The following STARD9 variants were observed in gnomAD, a reference collection of about 807,000 sequenced individuals.
STARD9 encodes the protein stAR-related lipid transfer protein 9.
A neutral mutation model predicts 399.8 loss-of-function variants in STARD9; 346 were observed. That is an observed-to-expected ratio of 0.87 (90% CI 0.79 to 0.95). The LOEUF (loss-of-function observed/expected upper bound fraction) is 0.95. STARD9 is among the 40% of genes least tolerant of loss of function. The pLI is 0.00. For synonymous variants in STARD9, 2,203 were observed against 2,143.5 expected (o/e 1.03, Z -0.77); for missense variants, 5,832 against 5,667.5 (o/e 1.03, Z -0.93).
chr15:42,678,516 AG>A (rs2060358111), intron 20 of STARD9, among the ~76,000 whole-genome samples: 1 of 152,168 alleles, frequency 6.6e-6, no homozygotes, highest in African/African-American at 2.4e-5. Context: ...TTGGAATTGT[AG>A]GGGGTTAACC....
At chr15:42,682,636 G>A in intron 22 of STARD9, 61 bp downstream of exon 22, 1 of 1,359,980 alleles carries the variant, frequency 7.4e-7, no homozygotes, top group Non-Finnish European at 9.8e-7. Flanking sequence ...TCTTGCCCAG[G>A]TAGTTTTCTG....
chr15:42,676,142 C>T (rs529116827), intron 20 of STARD9, among the ~76,000 whole-genome samples, 167 bp downstream of exon 20: 74 of 152,288 alleles, frequency 4.9e-4, no homozygotes, highest in African/African-American at 1.7e-3. Flanking sequence ...GCTGAACTAG[C>T]TGCTAAGTTC....
intron 9 of STARD9, among the ~76,000 whole-genome samples, chr15:42,658,480 G>A (rs2059923506): frequency 7.3e-6 from 1 of 136,972 alleles, no homozygotes; most frequent in Admixed American, 7.4e-5. Flanking sequence ...CTGGCCTTTT[G>A]CACTTTTTTT....
chr15:42,717,985 G>C lies in STARD9; in HGVS notation c.13568G>C (p.Gly4523Ala). Residue 4523 changes from glycine to alanine, a missense_variant, in exon 30 of 33, where the codon GGT (glycine) becomes GCT (alanine). Physicochemically the swap from Gly to Ala is moderately conservative, Grantham distance 60. This residue lies in a region of STARD9 where 5,828 missense variants were observed against 5,651.1 expected (regional missense o/e 1.03). Transcript: ENST00000290607. ...CQATAGWNYQ[G>A]EEQAVQLYYK... ...TTGGTGTCTCCCCCCAGCTATCAGG[G>C]TGAGGAGCAGGCGGTGCAGCTTTAC... 1.3e-6 allele frequency: 2 copies of C among 1,537,152 alleles called. No individual in the cohort carries two copies. The highest frequency in any genetic ancestry group is 8.7e-7 in the Non-Finnish European group (1 of 1,146,886).
rs959094187 is a variant in STARD9, at chr15:42,693,994, A to G, written c.12416A>G (p.His4139Arg). 2.6e-6 allele frequency: 4 copies of G among 1,516,248 alleles called. No individual in the cohort carries two copies. The highest frequency in any genetic ancestry group is 2.5e-5 in the South Asian group (2 of 80,820). 93.9% of individuals were successfully genotyped at this position (1,516,248 alleles called of 1,614,324 possible). Residue 4139 changes from histidine (H) to arginine (R), a missense_variant, in exon 23 of 33, where the codon CAT (histidine) becomes CGT (arginine). Physicochemically the swap from His to Arg is conservative, Grantham distance 29 (BLOSUM62 0). This residue lies in a region of STARD9 where 5,828 missense variants were observed against 5,651.1 expected (regional missense o/e 1.03). Coordinates refer to ENST00000290607, the MANE Select transcript of STARD9 (RefSeq NM_020759.3). ...CACAGTCTGAGGGACCTCCCGGTGC[A>G]TAACAAATTTAGTAACTGGTGTGGG... ...QHHSLRDLPV[H>R]NKFSNWCGVQ... is the part of the protein sequence containing the mutation.
chr15:42,675,464 G>T, intron 18 of STARD9, 200 bp from the exon 19 acceptor site: 1 of 565,912 alleles, frequency 1.8e-6, no homozygotes, highest in Non-Finnish European at 3.1e-6. Flanking sequence ...CTTTCCCTTG[G>T]AATAGTAGAG....
intron 4 of STARD9, among the ~76,000 whole-genome samples, chr15:42,636,871 G>A (rs370537889): frequency 8.3e-4 from 127 of 152,140 alleles, no homozygotes; most frequent in African/African-American, 3.0e-3. Context: ...TTCAAGACCA[G>A]CCTGGCCAAC....
chr15:42,680,304 T>C (rs755180967), intron 20 of STARD9, among the ~76,000 whole-genome samples: 2 of 152,066 alleles, frequency 1.3e-5, no homozygotes, highest in African/African-American at 2.4e-5. Flanking sequence ...ATGACTAAAA[T>C]CTAGAATTTT....
intron 16 of STARD9, chr15:42,671,926 G>A (rs2060211353): frequency 6.6e-6 from 1 of 152,242 alleles, no homozygotes; most frequent in Non-Finnish European, 1.5e-5. Context: ...ACAGGCATGA[G>A]CCCTCACGCC....
chr15:42,606,903 G>A (rs2058736277), intron 3 of STARD9, among the ~76,000 whole-genome samples: 1 of 152,098 alleles, frequency 6.6e-6, no homozygotes, highest in South Asian at 2.1e-4. Context: ...GCAAATGGAT[G>A]CTTCATTTCA....
chr15:42,663,605 C>G (rs976678934), intron 12 of STARD9, 115 bp downstream of exon 12: 2 of 615,468 alleles, frequency 3.2e-6, no homozygotes, highest in Non-Finnish European at 5.7e-6. Context: ...GACTGGTACT[C>G]TATCTCAGAG....
chr15:42,692,579 A>G lies in STARD9; in HGVS notation c.11001A>G (p.Ser3667=). 6.5e-7 allele frequency: 1 copy of G among 1,537,252 alleles called. No homozygotes were observed. The highest frequency in any genetic ancestry group is 1.2e-5 in the South Asian group (1 of 84,058). The change falls in exon 23 of 33, where the codon TCA becomes TCG. Residue 3667 remains serine, a synonymous_variant. Transcript: ENST00000290607. ...SFAQPEASAV[S]AFDLASWTSM... ...CTCAGCCTGAAGCCAGTGCAGTATC[A>G]GCCTTTGATCTGGCCTCATGGACCA...
chr15:42,650,155 G>A (rs377182940), intron 7 of STARD9, among the ~76,000 whole-genome samples: 8 of 152,244 alleles, frequency 5.3e-5, no homozygotes, highest in African/African-American at 1.9e-4. Context: ...GAACCACAGT[G>A]CCCAGCCTTC....
chr15:42,666,016 G>A (rs898868991), intron 15 of STARD9, among the ~76,000 whole-genome samples, 168 bp downstream of exon 15: 1 of 152,194 alleles, frequency 6.6e-6, no homozygotes, highest in African/African-American at 2.4e-5. Flanking sequence ...TTGCCTAGGG[G>A]GACTGTTAAT....
intron 9 of STARD9, among the ~76,000 whole-genome samples, chr15:42,653,190 C>T (rs2059798802): frequency 6.6e-6 from 1 of 152,040 alleles, no homozygotes; most frequent in Non-Finnish European, 1.5e-5. Flanking sequence ...ACATTTAAAA[C>T]AAAAGGTTGA....
chr15:42,626,381 CTCCTCT>C (rs1247298949), intron 3 of STARD9, among the ~76,000 whole-genome samples: 21 of 127,746 alleles, frequency 1.6e-4, no homozygotes, highest in African/African-American at 7.1e-4. Flanking sequence ...CCTCCTCTTC[CTCCTCT>C]TCCTCTTCCT....
chr15:42,628,938 A>G (rs1442257136), intron 3 of STARD9, among the ~76,000 whole-genome samples: 1 of 152,146 alleles, frequency 6.6e-6, no homozygotes, highest in African/African-American at 2.4e-5. Context: ...TAAAAATTTT[A>G]GGATTGTTTT....
In STARD9 at chr15:42,717,618, C is replaced by G. The variant is rs571901954; in HGVS notation, c.13495-113C>G. On this transcript the variant is annotated intron_variant, in intron 28 of 32. Transcript: ENST00000290607. ...CCAGCCTGGGTGACAGAGCTAGACC[C>G]TGTCTCAAAAAAAAAGAAAAGGGGA... 27 of 931,644 alleles carry G rather than the reference C, an allele frequency of 2.9e-5. No homozygotes were observed. The African/African-American group carries it at 4.2e-4, about 15-fold the overall frequency. 57.7% of individuals were successfully genotyped at this position (931,644 alleles called of 1,614,324 possible). A position where few individuals can be genotyped will look rare whatever the true frequency, so the allele number is the denominator to read the frequency against.
In STARD9 at chr15:42,686,714, C is replaced by T. The variant is rs568962893; in HGVS notation, c.5136C>T (p.His1712=). ...GCTCTAAGGAAGCAGTTAGAAGACA[C>T]ATAAATGTTTCCTTTGCCCTTCCTT... is the stretch of plus-strand genomic sequence containing the variant. ...QESSKEAVRR[H]INVSFALPSG... is the part of the protein sequence containing the mutation. Residue 1712 remains histidine, a synonymous_variant, in exon 23 of 33, where the codon CAC becomes CAT. Coordinates refer to ENST00000290607, the MANE Select transcript of STARD9 (RefSeq NM_020759.3). The T allele has an allele frequency of 6.5e-6, 10 of 1,537,710 alleles. No homozygotes were observed. The Admixed American group carries it at 1.2e-4, about 18-fold the overall frequency.
Sources: allele counts gnomAD v4.1 joint callset (sites outside exome capture counted in the v4.1 genomes callset), GRCh38; gene constraint gnomAD v4.1.1; regional missense constraint gnomAD v4.1.1; transcripts MANE v1.5; gene names NCBI Gene and HGNC (gene_info 2026-07-23, HGNC 2026-07-21).